ZNF536: variants seen among roughly 807,000 people sequenced by gnomAD.
The protein encoded by ZNF536 is zinc finger protein 536.
ZNF536 carries 13 observed loss-of-function variants against 84.5 expected under a neutral mutation model. That is an observed-to-expected ratio of 0.15 (90% CI 0.10 to 0.24). The LOEUF (loss-of-function observed/expected upper bound fraction) is 0.24. Among genes scored for constraint, ZNF536 ranks in the 10% least tolerant of loss-of-function variants. ZNF536 has a pLI of 1.00. For synonymous variants in ZNF536, 811 were observed against 742.5 expected, an observed-to-expected ratio of 1.09 and a Z score of -1.50; for missense variants, 1,536 against 1,747.5, an observed-to-expected ratio of 0.88 and a Z score of 2.16.
intron 2 of ZNF536, among the ~76,000 whole-genome samples, chr19:30,327,776 G>T (rs1426849373): frequency 6.6e-6 from 1 of 152,132 alleles, no homozygotes; most frequent in Non-Finnish European, 1.5e-5. Context: ...TAAGACCCTG[G>T]TGTTCATCCC....
intron 2 of ZNF536, among the ~76,000 whole-genome samples, chr19:30,325,942 C>T (rs1354968635): frequency 6.6e-6 from 1 of 152,188 alleles, no homozygotes; most frequent in Non-Finnish European, 1.5e-5. Context: ...GAGCCCCTCC[C>T]ACACCCGCAG....
At chr19:30,529,988 G>A (rs940836968) in intron 2 of ZNF536, among the ~76,000 whole-genome samples, 1 of 152,246 alleles carries the variant, frequency 6.6e-6, no homozygotes, top group African/African-American at 2.4e-5. Flanking sequence ...TCAAGTGGGA[G>A]CCCAGAGCAC....
intron 1 of ZNF536, among the ~76,000 whole-genome samples, chr19:30,574,621 A>G (rs1549939): frequency 0.33 from 49,775 of 152,122 alleles, 8,184 homozygotes; most frequent in East Asian, 0.42. Context: ...TCAATCCAGC[A>G]TTCTTCTTAC....
At chr19:30,410,465 CTTTTT>C (rs201561646) in intron 1 of ZNF536, among the ~76,000 whole-genome samples, 10 of 122,624 alleles carry the variant, frequency 8.2e-5, no homozygotes, top group East Asian at 2.9e-4. Context: ...AAGTGAAGGT[CTTTTT>C]TTTTTTTTTT....
chr19:30,613,079 T>C (rs1364757308), intron 1 of ZNF536, among the ~76,000 whole-genome samples: 1 of 152,214 alleles, frequency 6.6e-6, no homozygotes, highest in Admixed American at 6.5e-5. Context: ...CTATCAATTG[T>C]ACCAAAGATG....
intron 1 of ZNF536, among the ~76,000 whole-genome samples, chr19:30,432,837 C>T (rs546954346): frequency 2.6e-5 from 4 of 152,266 alleles, no homozygotes; most frequent in African/African-American, 9.6e-5. Flanking sequence ...ACTGTCACCC[C>T]TATAGTTGGT....
intron 1 of ZNF536, among the ~76,000 whole-genome samples, chr19:30,565,608 G>A (rs952132956): frequency 1.3e-5 from 2 of 152,130 alleles, no homozygotes; most frequent in Non-Finnish European, 2.9e-5. Flanking sequence ...CATTGCATGT[G>A]GTGAAGTTTG....
In ZNF536 at chr19:30,444,526, G is replaced by A. The variant is rs766135511; in HGVS notation, c.964G>A (p.Ala322Thr). 1.9e-6 allele frequency: 3 copies of A among 1,612,852 alleles called. No individual in the cohort carries two copies. The highest frequency in any genetic ancestry group is 4.5e-5 in the East Asian group (2 of 44,870). The change falls in exon 2 of 5, where the codon GCA becomes ACA. Residue 322 changes from alanine to threonine, a missense_variant. Ala to Thr is a moderately conservative substitution (Grantham distance 58). This residue lies in a region of ZNF536 where 61 missense variants were observed against 104.0 expected (regional missense o/e 0.59). Transcript: ENST00000355537. The part of the protein sequence containing the change: ...EEELISHVEK[A>T]HITAESAQGQ... ...GGAGCTCATCAGCCACGTGGAGAAG[G>A]CACACATCACGGCCGAGTCGGCCCA...
chr19:30,299,976 GT>G (rs2046126312), intron 2 of ZNF536, among the ~76,000 whole-genome samples: 1 of 152,142 alleles, frequency 6.6e-6, no homozygotes, highest in Admixed American at 6.5e-5. Context: ...TCGATGCACA[GT>G]TTAGGATAAA....
In ZNF536 at chr19:30,251,314, C is replaced by G. The variant is rs117366740; in HGVS notation, c.-190+22641C>G. On this transcript the variant is annotated intron_variant, in intron 1 of 5. Coordinates refer to the ZNF536 transcript ENST00000585628. ...TGGACAATGATGAAATGATGGTTCA[C>G]AGGTGGAACCTGAGATGCACTCTCA... 1.5e-4 allele frequency among the ~76,000 whole-genome samples: 23 copies of G among 152,318 alleles called. No homozygotes were observed. The East Asian group carries it at 4.4e-3, about 29-fold the overall frequency.
chr19:30,505,417 A>G (rs1156507762), intron 2 of ZNF536, among the ~76,000 whole-genome samples: 2 of 147,994 alleles, frequency 1.4e-5, no homozygotes, highest in Non-Finnish European at 3.0e-5. Context: ...GATATGAAAT[A>G]TCTTATATAG....
At chr19:30,591,113 T>G (rs532387178) in intron 1 of ZNF536, among the ~76,000 whole-genome samples, 1 of 152,164 alleles carries the variant, frequency 6.6e-6, no homozygotes, top group East Asian at 1.9e-4. Flanking sequence ...TGCCACCCAC[T>G]CATTTGGTGG....
chr19:30,430,399 G>A (rs1195108013), intron 1 of ZNF536, among the ~76,000 whole-genome samples: 1 of 152,150 alleles, frequency 6.6e-6, no homozygotes, highest in Admixed American at 6.5e-5. Flanking sequence ...GGGGGACCCT[G>A]GTGAAGCCGA....
chr19:30,482,456 C>T (rs1317257485), intron 2 of ZNF536, among the ~76,000 whole-genome samples: 2 of 152,242 alleles, frequency 1.3e-5, no homozygotes, highest in East Asian at 3.9e-4. Flanking sequence ...ACCATTGTCC[C>T]ATCACTGTGA....
Position 30,232,759 on chromosome 19 carries a change from C to A in ZNF536, c.-190+4086C>A, listed in dbSNP as rs1255237384. ...GTTTGGGTGGAACTTAACAGATGAA[C>A]CTGGGCATCATTTCTCCAGCTCAGG... On this transcript the variant is annotated intron_variant, in intron 1 of 5. Transcript: ENST00000585628. Among the ~76,000 whole-genome samples the A allele has an allele frequency of 5.3e-5, 8 of 152,132 alleles. No homozygotes were observed. In the East Asian group the frequency reaches 1.3e-3, roughly 26 times the overall value.
At chr19:30,559,272 T>C (rs1722903529), downstream of ZNF536, among the ~76,000 whole-genome samples, 1 of 152,202 alleles carries the variant, frequency 6.6e-6, no homozygotes, top group Non-Finnish European at 1.5e-5. Context: ...CTTTGGAAAC[T>C]GTGATGGATC....
chr19:30,521,486 A>G (rs1010510855), intron 2 of ZNF536, among the ~76,000 whole-genome samples: 1 of 152,126 alleles, frequency 6.6e-6, no homozygotes, highest in African/African-American at 2.4e-5. Flanking sequence ...AATTTGCCAG[A>G]CTTGTTATTT....
intron 1 of ZNF536, among the ~76,000 whole-genome samples, chr19:30,387,162 T>G (rs570758833): frequency 2.0e-5 from 3 of 152,214 alleles, no homozygotes; most frequent in Non-Finnish European, 2.9e-5. Flanking sequence ...TGGGCTCCAA[T>G]GTCCCTTGGC....
At chr19:30,538,750 C>G (rs1459353515) in intron 3 of ZNF536, among the ~76,000 whole-genome samples, 1 of 152,196 alleles carries the variant, frequency 6.6e-6, no homozygotes, top group African/African-American at 2.4e-5. Context: ...GAACTTCTCT[C>G]CTCATGGAGA....
Sources: allele counts gnomAD v4.1 joint callset (sites outside exome capture counted in the v4.1 genomes callset), GRCh38; gene constraint gnomAD v4.1.1; regional missense constraint gnomAD v4.1.1; transcripts MANE v1.5; gene names NCBI Gene and HGNC (gene_info 2026-07-23, HGNC 2026-07-21).